SPATA16: variants seen among roughly 807,000 people sequenced by gnomAD.
SPATA16 encodes the protein spermatogenesis-associated protein 16.
In SPATA16, 36 loss-of-function variants were observed where a neutral mutation model predicts 63.3. The observed-to-expected ratio is 0.57, with a 90% CI of 0.44 to 0.75. The LOEUF is 0.75. Among genes scored for constraint, SPATA16 ranks in the 30% least tolerant of loss-of-function variants. The pLI, the probability that SPATA16 is intolerant of heterozygous loss-of-function variation, is 0.00. For synonymous variants in SPATA16, 203 were observed against 216.7 expected, an observed-to-expected ratio of 0.94 and a Z score of 0.56; for missense variants, 646 against 679.3, an observed-to-expected ratio of 0.95 and a Z score of 0.54.
At chr3:173,122,944 C>T (rs939341422) in intron 1 of SPATA16, among the ~76,000 whole-genome samples, 86 of 152,176 alleles carry the variant, frequency 5.7e-4, no homozygotes, top group African/African-American at 2.0e-3. Context: ...CTATATTCTA[C>T]AGTATATGGT....
At chr3:172,953,932 C>G (rs1037900685) in intron 6 of SPATA16, among the ~76,000 whole-genome samples, 18 of 152,206 alleles carry the variant, frequency 1.2e-4, no homozygotes, top group Admixed American at 3.9e-4. Context: ...CTGGGCAGAG[C>G]AAAGAAGAAA....
At chr3:173,065,459 G>C (rs1466779158) in intron 2 of SPATA16, among the ~76,000 whole-genome samples, 1 of 152,032 alleles carries the variant, frequency 6.6e-6, no homozygotes, top group African/African-American at 2.4e-5. Context: ...TGGCCAAATA[G>C]AACACTTTTG....
At chr3:173,000,592 G>A (rs1734795329) in intron 4 of SPATA16, among the ~76,000 whole-genome samples, 1 of 152,028 alleles carries the variant, frequency 6.6e-6, no homozygotes, top group Non-Finnish European at 1.5e-5. Context: ...ACTAATTTAA[G>A]GAAATTCTCA....
chr3:172,973,669 T>A (rs1457105596), intron 5 of SPATA16, among the ~76,000 whole-genome samples: 2 of 152,146 alleles, frequency 1.3e-5, no homozygotes, highest in South Asian at 4.1e-4. Context: ...TAGCCCTGGA[T>A]GTAGTAAGGA....
chr3:173,047,764 G>T (rs1413692704), intron 3 of SPATA16, among the ~76,000 whole-genome samples: 2 of 151,836 alleles, frequency 1.3e-5, no homozygotes, highest in African/African-American at 4.8e-5. Flanking sequence ...TAAAACTATG[G>T]TTTCATAAAA....
intron 2 of SPATA16, among the ~76,000 whole-genome samples, chr3:173,110,748 A>G (rs1447763024): frequency 6.6e-6 from 1 of 152,168 alleles, no homozygotes; most frequent in Non-Finnish European, 1.5e-5. Flanking sequence ...TCTGACTCCA[A>G]ATTCAGTGCC....
intron 1 of SPATA16, among the ~76,000 whole-genome samples, chr3:173,121,188 A>G (rs1194016981): frequency 6.6e-6 from 1 of 151,078 alleles, no homozygotes; most frequent in African/African-American, 2.4e-5. Flanking sequence ...GGATGACTTT[A>G]TTTCAGCTGT....
intron 4 of SPATA16, among the ~76,000 whole-genome samples, chr3:173,018,038 C>T (rs1362722911): frequency 6.6e-6 from 1 of 152,096 alleles, no homozygotes; most frequent in Non-Finnish European, 1.5e-5. Context: ...AGATAAAACA[C>T]ATTGCAGAAA....
At chr3:173,049,136 A>G (rs1736023350) in intron 2 of SPATA16, 42 bp from the exon 3 acceptor site, 2 of 1,557,326 alleles carry the variant, frequency 1.3e-6, no homozygotes, top group Admixed American at 3.7e-5. Flanking sequence ...ATAATCTTTC[A>G]TATAATTTAT....
At chr3:173,015,748 A>AAT (rs779804882) in intron 4 of SPATA16, among the ~76,000 whole-genome samples, 24 of 152,320 alleles carry the variant, frequency 1.6e-4, no homozygotes, top group Non-Finnish European at 2.9e-4. Context: ...GATAAAAGAC[A>AAT]CCATGATACC....
At chr3:173,070,290 T>G (rs6445099) in intron 2 of SPATA16, among the ~76,000 whole-genome samples, 28,261 of 150,734 alleles carry the variant, frequency 0.19, 3,001 homozygotes, top group African/African-American at 0.3. Context: ...AGCCACTCAG[T>G]AGGCTGAGGC....
intron 5 of SPATA16, among the ~76,000 whole-genome samples, chr3:172,960,069 A>C (rs1351403849): frequency 6.6e-6 from 1 of 151,976 alleles, no homozygotes; most frequent in Non-Finnish European, 1.5e-5. Context: ...GATTTGATAT[A>C]ATCTTAGACA....
intron 8 of SPATA16, among the ~76,000 whole-genome samples, chr3:172,923,795 G>C (rs1732667269): frequency 6.6e-6 from 1 of 152,188 alleles, no homozygotes; most frequent in Non-Finnish European, 1.5e-5. Context: ...GTGGTATGAA[G>C]GCACTATCTT....
intron 9 of SPATA16, among the ~76,000 whole-genome samples, chr3:172,914,477 C>T (rs1354331589): frequency 2.0e-5 from 3 of 152,068 alleles, no homozygotes; most frequent in African/African-American, 7.2e-5. Context: ...CAGTAATGGA[C>T]CTTAGATAAT....
chr3:173,042,162 G>A (rs1231584899), intron 3 of SPATA16, among the ~76,000 whole-genome samples: 11 of 151,988 alleles, frequency 7.2e-5, no homozygotes, highest in Non-Finnish European at 5.9e-5. Context: ...TTTCATAGAC[G>A]ATTTCCAATT....
chr3:172,890,550 C>T (rs1455377104), intron 10 of SPATA16, among the ~76,000 whole-genome samples: 6 of 152,094 alleles, frequency 3.9e-5, no homozygotes, highest in African/African-American at 1.4e-4. Flanking sequence ...GGTACATGAA[C>T]GTATCATCAC....
chr3:173,048,226 G>C (rs1007791978), intron 3 of SPATA16, among the ~76,000 whole-genome samples: 4 of 152,064 alleles, frequency 2.6e-5, no homozygotes, highest in African/African-American at 9.7e-5. Context: ...GAGGGATAGA[G>C]ACATCACAAT....
intron 2 of SPATA16, among the ~76,000 whole-genome samples, chr3:173,051,486 C>T (rs532602082): frequency 1.3e-5 from 2 of 152,284 alleles, no homozygotes; most frequent in East Asian, 3.9e-4. Flanking sequence ...CAGGCGTGAG[C>T]CACCGTGCCC....
chr3:172,916,258 A>G (rs2109565663), intron 9 of SPATA16, 59 bp downstream of exon 9: 3 of 1,552,850 alleles, frequency 1.9e-6, no homozygotes, highest in Non-Finnish European at 2.6e-6. Flanking sequence ...TCCCCAGACC[A>G]TATCACTTTT....
Sources: gnomAD v4.1 joint callset for allele counts (sites outside exome capture counted in the v4.1 genomes callset) on GRCh38, gnomAD v4.1.1 for gene constraint, MANE v1.5 for transcripts, NCBI Gene and HGNC (gene_info 2026-07-23, HGNC 2026-07-21) for gene names.